The following SETD5 variants were observed in gnomAD, a reference collection of about 807,000 sequenced individuals.
The protein encoded by SETD5 is SET domain containing 5, also known as histone-lysine N-methyltransferase SETD5.
Under a neutral mutation model 153.3 loss-of-function variants are expected in SETD5, and 44 were observed. The observed-to-expected ratio is 0.29, with a 90% CI of 0.23 to 0.37. SETD5 has a LOEUF of 0.37. Among genes scored for constraint, SETD5 ranks in the 10% least tolerant of loss-of-function variants. SETD5 has a pLI of 1.00. For synonymous variants in SETD5, 716 were observed against 645.2 expected (o/e 1.11, Z -1.66); for missense variants, 1,544 against 1,768.0 (o/e 0.87, Z 2.27).
At chr3:9,421,574 A>G (rs907547406) in intron 1 of SETD5, among the ~76,000 whole-genome samples, 2 of 152,226 alleles carry the variant, frequency 1.3e-5, no homozygotes, top group African/African-American at 4.8e-5. Context: ...TGCAGCTGCC[A>G]CATTCATTCT....
At chr3:9,458,424 C>A (rs1272279268) in intron 17 of SETD5, among the ~76,000 whole-genome samples, 1 of 152,070 alleles carries the variant, frequency 6.6e-6, no homozygotes, top group East Asian at 1.9e-4. Flanking sequence ...TGAGACCAGC[C>A]TGGGCAGCAG....
chr3:9,437,426 G>GTAT (rs2040704611), intron 7 of SETD5, among the ~76,000 whole-genome samples: 1 of 152,128 alleles, frequency 6.6e-6, no homozygotes, highest in Non-Finnish European at 1.5e-5. Flanking sequence ...AATAGAGCAA[G>GTAT]TATGTGGAAT....
Position 9,447,308 on chromosome 3 carries a change from G to C in SETD5, c.1782+1G>C. On this transcript the variant is annotated splice_donor_variant, in intron 14 of 22. Transcript: ENST00000402198. LOFTEE classifies it high-confidence loss of function. ...TACCCGGAGGTCTTCCCAAGCAGGG[G>C]TAAGAGTTGAAAAGACTTCAGCACT... is the stretch of plus-strand genomic sequence containing the variant. The C allele has an allele frequency of 6.2e-7, 1 of 1,610,182 alleles. No homozygotes were observed. Among genetic ancestry groups the C allele is most frequent in the South Asian group, 1.1e-5 (1 of 90,396 alleles).
Position 9,434,665 on chromosome 3 carries a change from A to T in SETD5, c.330-159A>T. 6.8e-7 allele frequency: 1 copy of T among 1,465,474 alleles called. No individual in the cohort carries two copies. The highest frequency in any genetic ancestry group is 9.0e-7 in the Non-Finnish European group (1 of 1,108,834). 90.8% of individuals were successfully genotyped at this position (1,465,474 alleles called of 1,614,324 possible). On this transcript the variant is annotated intron_variant, in intron 5 of 22. Coordinates refer to ENST00000402198, the MANE Select transcript of SETD5 (RefSeq NM_001080517.3). The surrounding 1 kb of genome is among the most constrained non-coding windows in gnomAD (Gnocchi z 5.6). ...GCTGACAACAAGGAATGAGAGATTGATGTTAAAGCTATTGAATTTGATATG... is the reference window on the plus strand; with the variant it reads ...GCTGACAACAAGGAATGAGAGATTGTTGTTAAAGCTATTGAATTTGATATG...
chr3:9,468,179 G>C (rs2044843762), intron 18 of SETD5, among the ~76,000 whole-genome samples: 1 of 151,746 alleles, frequency 6.6e-6, no homozygotes, highest in Non-Finnish European at 1.5e-5. Context: ...AATACTGTAG[G>C]TTGCTAAACT....
intron 17 of SETD5, among the ~76,000 whole-genome samples, chr3:9,462,720 G>A (rs2044121325): frequency 6.6e-6 from 1 of 152,104 alleles, no homozygotes. Flanking sequence ...CCAACATGGT[G>A]AAACCCTGTC....
intron 1 of SETD5, among the ~76,000 whole-genome samples, chr3:9,413,138 T>C (rs1559358516): frequency 1.3e-5 from 2 of 152,212 alleles, no homozygotes; most frequent in Non-Finnish European, 2.9e-5. Flanking sequence ...CTTTCCCTGT[T>C]GATACTGCTT....
In SETD5 at chr3:9,475,954, G is replaced by A. The variant is rs2045815348; in HGVS notation, c.4192G>A (p.Ala1398Thr). 6.2e-7 allele frequency: 1 copy of A among 1,613,908 alleles called. No homozygotes were observed. Among genetic ancestry groups the A allele is most frequent in the South Asian group, 1.1e-5 (1 of 91,090 alleles). Reference protein sequence around the residue: ...TISLPSAGQSAVYQASRVSAV... With the variant: ...TISLPSAGQSTVYQASRVSAV... ...CAGTCTGCCCAGTGCTGGGCAGTCA[G>A]CTGTCTACCAGGCCTCCAGGGTATC... The change falls in exon 23 of 23, where the codon GCT (alanine) becomes ACT (threonine). Residue 1398 changes from alanine (A) to threonine (T), a missense_variant. Around this residue, in one of 9 missense-constraint regions of SETD5, gnomAD observed 302 missense variants for 277.6 expected, o/e 1.09. Transcript: ENST00000402198.
chr3:9,459,907 A>C (rs1379851240), intron 17 of SETD5, among the ~76,000 whole-genome samples: 1 of 152,110 alleles, frequency 6.6e-6, no homozygotes, highest in Non-Finnish European at 1.5e-5. Flanking sequence ...TGATCTTTTA[A>C]TATCTAGCTG....
intron 1 of SETD5, among the ~76,000 whole-genome samples, chr3:9,419,507 G>A (rs531899971): frequency 2.5e-4 from 38 of 152,138 alleles, no homozygotes; most frequent in Non-Finnish European, 4.0e-4. Context: ...TTGAGGTTGC[G>A]GTGAGCTGTG....
intron 16 of SETD5, among the ~76,000 whole-genome samples, chr3:9,453,092 T>G (rs758994267): frequency 6.6e-6 from 1 of 152,206 alleles, no homozygotes; most frequent in Non-Finnish European, 1.5e-5. Flanking sequence ...ATAGGTCTTC[T>G]TTTTGACTTT....
rs2125579203 is a variant in SETD5 at position 9,470,739 on chromosome 3, G to T, written c.3005G>T (p.Gly1002Val). Reference protein sequence around the residue: ...AMPRADGLYRGSPLVGDRKPL... With the variant: ...AMPRADGLYRVSPLVGDRKPL... ...CCTCGAGCAGATGGACTGTATCGAG[G>T]ATCTCCTCTAGTGGGGGATAGGAAG... The change falls in exon 19 of 23, where the codon GGA becomes GTA. Residue 1002 changes from glycine to valine, a missense_variant. Physicochemically the swap from Gly to Val is moderately radical, Grantham distance 109. This residue lies in a region of SETD5 where 782 missense variants were observed against 787.2 expected (regional missense o/e 0.99). Transcript: ENST00000402198. The T allele has an allele frequency of 3.1e-6, 5 of 1,614,020 alleles. No individual in the cohort carries two copies. The highest frequency in any genetic ancestry group is 4.2e-6 in the Non-Finnish European group (5 of 1,179,892).
chr3:9,457,203 T>G (rs1307835735), intron 17 of SETD5, among the ~76,000 whole-genome samples: 1 of 151,626 alleles, frequency 6.6e-6, no homozygotes, highest in African/African-American at 2.4e-5. Context: ...ATAATAAGAG[T>G]TTAGGCCAGG....
chr3:9,464,089 T>C (rs2044287832), intron 17 of SETD5, among the ~76,000 whole-genome samples: 1 of 151,994 alleles, frequency 6.6e-6, no homozygotes, highest in South Asian at 2.1e-4. Flanking sequence ...GTAAATGCCA[T>C]TGCACTCCAG....
intron 17 of SETD5, among the ~76,000 whole-genome samples, chr3:9,456,799 C>A (rs895226111): frequency 6.6e-6 from 1 of 151,932 alleles, no homozygotes; most frequent in African/African-American, 2.4e-5. Flanking sequence ...ATGGTGAAAT[C>A]CCATCTCTAC....
chr3:9,461,285 T>C (rs890254861), intron 17 of SETD5, among the ~76,000 whole-genome samples: 2 of 152,214 alleles, frequency 1.3e-5, no homozygotes, highest in Admixed American at 1.3e-4. Context: ...ATAATACTAA[T>C]GTTGTGCAGT....
chr3:9,413,686 ATTAT>A (rs1025682673), intron 1 of SETD5, among the ~76,000 whole-genome samples: 2 of 96,300 alleles, frequency 2.1e-5, no homozygotes, highest in Non-Finnish European at 4.2e-5. Context: ...GTGTGTGTGT[ATTAT>A]TTATTTATTT....
At chr3:9,421,368 G>A (rs1446947774) in intron 1 of SETD5, among the ~76,000 whole-genome samples, 1 of 151,762 alleles carries the variant, frequency 6.6e-6, no homozygotes, top group African/African-American at 2.4e-5. Context: ...AAACTCCTGG[G>A]CTCAAGCAAT....
At chr3:9,406,937 T>C (rs1027821259) in intron 1 of SETD5, among the ~76,000 whole-genome samples, 1 of 152,232 alleles carries the variant, frequency 6.6e-6, no homozygotes, top group Non-Finnish European at 1.5e-5. Context: ...GGTAGTCACC[T>C]TATTGGTGGC....
Sources: gnomAD v4.1 joint callset for allele counts (sites outside exome capture counted in the v4.1 genomes callset) on GRCh38, gnomAD v4.1.1 for gene constraint, gnomAD v4.1.1 regional missense constraint, Gnocchi (gnomAD v3.1) non-coding constraint, MANE v1.5 for transcripts, NCBI Gene and HGNC (gene_info 2026-07-23, HGNC 2026-07-21) for gene names.